The following TFEC variants were observed in gnomAD, a reference collection of about 807,000 sequenced individuals.
The protein encoded by TFEC is transcription factor EC, also known as class E basic helix-loop-helix protein 34.
TFEC carries 31 observed loss-of-function variants against 41.6 expected under a neutral mutation model. That is an observed-to-expected ratio of 0.74 (90% CI 0.56 to 1.01). The LOEUF is 1.01. Ranked by LOEUF, TFEC falls within the 50% of genes least tolerant of loss-of-function variation. TFEC has a pLI of 0.00. For synonymous variants in TFEC, 143 were observed against 140.6 expected (o/e 1.02, Z -0.12); for missense variants, 402 against 404.1 (o/e 0.99, Z 0.04).
intron 2 of TFEC, among the ~76,000 whole-genome samples, 187 bp from the exon 3 acceptor site, chr7:115,974,443 TATATATAA>T (rs201268904): frequency 0.016 from 818 of 51,334 alleles, 40 homozygotes; most frequent in Admixed American, 0.027. Flanking sequence ...TATATATATA[TATATATAA>T]AAACACAGAT....
intron 3 of TFEC, among the ~76,000 whole-genome samples, chr7:115,967,914 C>T (rs1035006203): frequency 1.3e-5 from 2 of 151,374 alleles, no homozygotes; most frequent in Admixed American, 1.3e-4. Flanking sequence ...AGTTTGAAAC[C>T]CTCATCTTTT....
chr7:116,076,924 A>T (rs1316646636), intron 3 of TFEC, among the ~76,000 whole-genome samples: 4 of 152,292 alleles, frequency 2.6e-5, no homozygotes, highest in Admixed American at 1.3e-4. Context: ...AAGCTCAAGG[A>T]ACATCTGGGA....
intron 1 of TFEC, among the ~76,000 whole-genome samples, chr7:116,148,874 G>A (rs1211383803): frequency 6.6e-6 from 1 of 151,078 alleles, no homozygotes; most frequent in East Asian, 1.9e-4. Context: ...CACTCGATGA[G>A]ATCATCAAGA....
At chr7:116,103,745 T>C (rs1797656424) in intron 3 of TFEC, among the ~76,000 whole-genome samples, 1 of 152,142 alleles carries the variant, frequency 6.6e-6, no homozygotes. Flanking sequence ...AAAAGATAAT[T>C]GAAAATGAGG....
intron 3 of TFEC, among the ~76,000 whole-genome samples, chr7:116,069,189 T>TA (rs144431876): frequency 0.035 from 5,331 of 151,280 alleles, 157 homozygotes; most frequent in Middle Eastern, 0.078. Flanking sequence ...GAAAATAAGA[T>TA]AAAAAAACTC....
chr7:115,942,032 C>G lies in TFEC; in HGVS notation c.524G>C (p.Arg175Pro), dbSNP rs759763689. ...LIPKSNDPDM[R>P]WNKGTILKAS... ...TTTTAGAATGGTTCCTTTGTTCCAG[C>G]GCATATCACTGTAGAATGGAGAGAT... Residue 175 changes from arginine to proline, a missense_variant, in exon 7 of 8, where the codon CGC becomes CCC. Coordinates refer to ENST00000265440, the MANE Select transcript of TFEC (RefSeq NM_012252.4). The G allele has an allele frequency of 1.9e-6, 3 of 1,611,884 alleles. No homozygotes were observed. The highest frequency in any genetic ancestry group is 2.7e-5 in the African/African-American group (2 of 74,772).
At chr7:116,087,685 T>C (rs916280851) in intron 3 of TFEC, among the ~76,000 whole-genome samples, 1 of 152,040 alleles carries the variant, frequency 6.6e-6, no homozygotes, top group Non-Finnish European at 1.5e-5. Flanking sequence ...ATAAGGGAGA[T>C]GGAAGGTATC....
At chr7:116,093,193 A>G (rs1797368526) in intron 3 of TFEC, among the ~76,000 whole-genome samples, 1 of 152,144 alleles carries the variant, frequency 6.6e-6, no homozygotes, top group Admixed American at 6.5e-5. Context: ...CGTGACATCC[A>G]TGAAACCATG....
At chr7:116,081,429 C>T (rs1013729581) in intron 3 of TFEC, among the ~76,000 whole-genome samples, 1 of 152,002 alleles carries the variant, frequency 6.6e-6, no homozygotes, top group Admixed American at 6.6e-5. Flanking sequence ...TTCAGCTGTC[C>T]GTATCAAATC....
At chr7:116,026,035 T>G (rs1042128738) in intron 1 of TFEC, among the ~76,000 whole-genome samples, 1 of 152,172 alleles carries the variant, frequency 6.6e-6, no homozygotes, top group Non-Finnish European at 1.5e-5. Flanking sequence ...CTGGAGAACA[T>G]AAAACTAAAC....
intron 1 of TFEC, among the ~76,000 whole-genome samples, chr7:116,007,754 A>G (rs1021522136): frequency 3.3e-5 from 5 of 152,222 alleles, no homozygotes; most frequent in South Asian, 2.1e-4. Flanking sequence ...ATGATTCTCT[A>G]TTGTATAAGA....
chr7:116,078,204 G>T (rs932058151), intron 3 of TFEC, among the ~76,000 whole-genome samples: 1 of 151,596 alleles, frequency 6.6e-6, no homozygotes, highest in Non-Finnish European at 1.5e-5. Flanking sequence ...AAGAGGAAAG[G>T]TCATAGCATT....
chr7:116,132,916 GT>G (rs1258024281), intron 1 of TFEC, among the ~76,000 whole-genome samples: 2 of 152,004 alleles, frequency 1.3e-5, no homozygotes, highest in African/African-American at 4.8e-5. Context: ...CACCAATTGT[GT>G]TTTTTGTCTT....
intron 5 of TFEC, among the ~76,000 whole-genome samples, chr7:115,954,332 T>A (rs1235967490): frequency 1.3e-5 from 2 of 152,070 alleles, no homozygotes; most frequent in African/African-American, 4.8e-5. Context: ...CCAAATGCAC[T>A]CATCTCAGTC....
At chr7:115,973,178 AG>A (rs2130594220) in intron 3 of TFEC, among the ~76,000 whole-genome samples, 1 of 152,124 alleles carries the variant, frequency 6.6e-6, no homozygotes, top group South Asian at 2.1e-4. Flanking sequence ...TGACTTGACT[AG>A]CACTATGTGG....
chr7:116,156,158 A>C (rs1206959393), intron 1 of TFEC, among the ~76,000 whole-genome samples: 3 of 152,124 alleles, frequency 2.0e-5, no homozygotes, highest in African/African-American at 7.2e-5. Flanking sequence ...TGGGACACTT[A>C]TGTCTACACT....
intron 3 of TFEC, among the ~76,000 whole-genome samples, chr7:116,056,720 A>C (rs1796439864): frequency 6.6e-6 from 1 of 152,158 alleles, no homozygotes; most frequent in African/African-American, 2.4e-5. Context: ...GTCCCAGAAC[A>C]AAGTTCAAAA....
chr7:116,063,959 C>T (rs1796632519), intron 3 of TFEC, among the ~76,000 whole-genome samples: 2 of 151,844 alleles, frequency 1.3e-5, no homozygotes, highest in Non-Finnish European at 2.9e-5. Flanking sequence ...GATATGTACC[C>T]AAAGTGAAAT....
intron 1 of TFEC, among the ~76,000 whole-genome samples, chr7:116,016,320 G>A (rs968059478): frequency 2.6e-5 from 4 of 152,144 alleles, no homozygotes; most frequent in Admixed American, 6.5e-5. Context: ...TGTCAGTGAG[G>A]AGACCTCAGG....
Sources: allele counts gnomAD v4.1 joint callset (sites outside exome capture counted in the v4.1 genomes callset), GRCh38; gene constraint gnomAD v4.1.1; transcripts MANE v1.5; gene names NCBI Gene and HGNC (gene_info 2026-07-23, HGNC 2026-07-21).